GABRB1: variants seen among roughly 807,000 people sequenced by gnomAD.
The protein encoded by GABRB1 is gamma-aminobutyric acid receptor subunit beta-1.
A neutral mutation model predicts 51.6 loss-of-function variants in GABRB1; 17 were observed. The observed-to-expected ratio is 0.33, with a 90% CI of 0.23 to 0.49. The LOEUF is 0.49. GABRB1 is among the 20% of genes least tolerant of loss of function. The pLI is 0.99. For missense variants in GABRB1, 410 were observed against 600.6 expected (o/e 0.68, Z 3.32); for synonymous variants, 247 against 218.9 (o/e 1.13, Z -1.14).
At chr4:47,354,903 ACCTGCCTGCCTGCCTGCCTGCCTG>A (rs55735490) in intron 5 of GABRB1, among the ~76,000 whole-genome samples, 50,105 of 127,144 alleles carry the variant, frequency 0.39, 10,798 homozygotes, top group Middle Eastern at 0.48. Flanking sequence ...AGGCCTTCCT[ACCTGCCTGCCTGCCTGCCTGCCTG>A]CCTGCCTGCC....
intron 4 of GABRB1, among the ~76,000 whole-genome samples, chr4:47,199,299 C>T (rs1379666432): frequency 6.6e-6 from 1 of 152,062 alleles, no homozygotes. Context: ...AAGGGTGTGG[C>T]TGGACAACCT....
intron 4 of GABRB1, among the ~76,000 whole-genome samples, chr4:47,258,332 T>G (rs1044091889): frequency 6.6e-6 from 1 of 152,118 alleles, no homozygotes; most frequent in Non-Finnish European, 1.5e-5. Flanking sequence ...TCTTAGGAGT[T>G]TTCCCAACAA....
intron 3 of GABRB1, among the ~76,000 whole-genome samples, chr4:47,076,481 C>G (rs143094928): frequency 2.0e-5 from 3 of 152,224 alleles, no homozygotes; most frequent in African/African-American, 7.2e-5. Context: ...TCTTGGTGGC[C>G]AGACCAGATC....
intron 3 of GABRB1, among the ~76,000 whole-genome samples, chr4:47,137,378 T>C (rs1042151279): frequency 4.6e-5 from 7 of 152,036 alleles, no homozygotes; most frequent in East Asian, 1.9e-4. Context: ...ACTTAGAGGA[T>C]TGAGGACAGA....
At chr4:47,115,275 C>G (rs928931495) in intron 3 of GABRB1, among the ~76,000 whole-genome samples, 19 of 152,132 alleles carry the variant, frequency 1.2e-4, no homozygotes, top group African/African-American at 3.6e-4. Context: ...TGAACATTTG[C>G]TCTCTTTAGC....
intron 5 of GABRB1, among the ~76,000 whole-genome samples, chr4:47,379,591 T>A (rs1727523503): frequency 6.6e-6 from 1 of 152,160 alleles, no homozygotes; most frequent in Admixed American, 6.5e-5. Flanking sequence ...CACAAACTCA[T>A]TATAAATTGA....
chr4:47,114,830 A>G (rs370168867), intron 3 of GABRB1, among the ~76,000 whole-genome samples: 19 of 152,332 alleles, frequency 1.2e-4, no homozygotes, highest in African/African-American at 4.6e-4. Flanking sequence ...AAGACAGAAT[A>G]TAAACCAAAC....
intron 4 of GABRB1, among the ~76,000 whole-genome samples, chr4:47,183,933 A>C (rs1333902213): frequency 6.6e-6 from 1 of 151,720 alleles, no homozygotes; most frequent in Non-Finnish European, 1.5e-5. Flanking sequence ...TAATCTCTTC[A>C]CTCAGTTAGT....
chr4:47,364,165 G>A (rs894537677), intron 5 of GABRB1, among the ~76,000 whole-genome samples: 20 of 152,170 alleles, frequency 1.3e-4, no homozygotes, highest in African/African-American at 4.8e-4. Flanking sequence ...ACTAGAAGAG[G>A]CTGGCATTGC....
At chr4:47,052,572 C>T (rs1191238131) in intron 3 of GABRB1, among the ~76,000 whole-genome samples, 1 of 152,162 alleles carries the variant, frequency 6.6e-6, no homozygotes, top group African/African-American at 2.4e-5. Flanking sequence ...TGCCTTAAGA[C>T]CCATTTGTAC....
chr4:47,063,833 A>G (rs1390728768), intron 3 of GABRB1, among the ~76,000 whole-genome samples: 1 of 152,258 alleles, frequency 6.6e-6, no homozygotes, highest in East Asian at 1.9e-4. Context: ...GGAGCCGAAC[A>G]ATGAGAACAC....
intron 1 of GABRB1, among the ~76,000 whole-genome samples, chr4:46,997,719 T>A (rs1724045959): frequency 2.0e-5 from 3 of 150,186 alleles, no homozygotes; most frequent in Non-Finnish European, 4.4e-5. Flanking sequence ...TAGATGTGTG[T>A]GTATATATAT....
chr4:47,310,382 G>C (rs1724627296), intron 4 of GABRB1, among the ~76,000 whole-genome samples: 1 of 152,150 alleles, frequency 6.6e-6, no homozygotes, highest in Admixed American at 6.5e-5. Flanking sequence ...TTACAGAATT[G>C]CCTGATTCCT....
At chr4:47,035,961 T>G (rs1025602892) in intron 3 of GABRB1, among the ~76,000 whole-genome samples, 5 of 152,170 alleles carry the variant, frequency 3.3e-5, no homozygotes, top group African/African-American at 1.2e-4. Flanking sequence ...CAGCTCTCTG[T>G]ACCTAATCTG....
At chr4:47,246,286 A>G (rs1237743211) in intron 4 of GABRB1, among the ~76,000 whole-genome samples, 2 of 94,844 alleles carry the variant, frequency 2.1e-5, no homozygotes, top group Non-Finnish European at 4.2e-5. Context: ...TCATATATAT[A>G]TATATATATA....
chr4:47,115,807 A>G (rs1245866897), intron 3 of GABRB1, among the ~76,000 whole-genome samples: 1 of 152,212 alleles, frequency 6.6e-6, no homozygotes, highest in Non-Finnish European at 1.5e-5. Flanking sequence ...GATTATTTAA[A>G]AATAGGAAAA....
In GABRB1 at chr4:47,149,013, T is replaced by C. The variant is rs1387825880; in HGVS notation, c.241-12236T>C. Among the ~76,000 whole-genome samples, 3 of 151,720 alleles carry C rather than the reference T, an allele frequency of 2.0e-5. No homozygotes were observed. In the East Asian group the frequency reaches 5.8e-4, roughly 29 times the overall value. Reference sequence around the variant, plus strand: ...AGTGGAAAGAACTTTGCCCATAGAGTCAGACAGATCAGGGTTCAAATCACA... The same window carrying C: ...AGTGGAAAGAACTTTGCCCATAGAGCCAGACAGATCAGGGTTCAAATCACA... On this transcript the variant is annotated intron_variant, in intron 3 of 8. Coordinates refer to ENST00000295454, the MANE Select transcript of GABRB1 (RefSeq NM_000812.4).
chr4:47,298,991 G>T (rs1428339193), intron 4 of GABRB1, among the ~76,000 whole-genome samples: 3 of 151,724 alleles, frequency 2.0e-5, no homozygotes, highest in Non-Finnish European at 4.4e-5. Flanking sequence ...AATGGGGAAA[G>T]GATTCCCTAT....
At chr4:47,108,460 G>A (rs1480018035) in intron 3 of GABRB1, among the ~76,000 whole-genome samples, 1 of 151,936 alleles carries the variant, frequency 6.6e-6, no homozygotes, top group African/African-American at 2.4e-5. Context: ...GCACATTGTG[G>A]ATTTTGACTT....
Sources: allele counts gnomAD v4.1 joint callset (sites outside exome capture counted in the v4.1 genomes callset), GRCh38; gene constraint gnomAD v4.1.1; transcripts MANE v1.5; gene names NCBI Gene and HGNC (gene_info 2026-07-23, HGNC 2026-07-21).